TFG: variants seen among roughly 807,000 people sequenced by gnomAD.
TFG encodes the protein protein TFG.
TFG carries 22 observed loss-of-function variants against 51.4 expected under a neutral mutation model. The ratio of observed to expected loss-of-function variants is 0.43; its 90% CI spans 0.31 to 0.61. The LOEUF is 0.61. Ranked by LOEUF, TFG falls within the 20% of genes least tolerant of loss-of-function variation. The probability of loss-of-function intolerance (pLI) is 0.12; values close to 1 mark genes in which losing one functional copy is unlikely to be tolerated. For missense variants in TFG, 419 were observed against 487.7 expected (o/e 0.86, Z 1.33); for synonymous variants, 187 against 165.6 (o/e 1.13, Z -0.99).
intron 4 of TFG, among the ~76,000 whole-genome samples, chr3:100,729,082 T>C (rs540907540): frequency 6.6e-6 from 1 of 152,334 alleles, no homozygotes; most frequent in East Asian, 1.9e-4. Flanking sequence ...ATAGACCTAC[T>C]GGAGCGTAGC....
Position 100,736,506 on chromosome 3 carries a change from CTT to C in TFG, c.581-69_581-68del, listed in dbSNP as rs980276022. ...GTACTTTTAGTATCTTTTAACCAAACTTATTCCTTGAGCTTGCTGGGGGAAGG... is the reference window on the plus strand; with the variant it reads ...GTACTTTTAGTATCTTTTAACCAAACATTCCTTGAGCTTGCTGGGGGAAGG... On this transcript the variant is annotated intron_variant, in intron 5 of 7. Transcript: ENST00000240851. The C allele has an allele frequency of 9.0e-6, 14 of 1,557,316 alleles. No individual in the cohort carries two copies. In the African/African-American group the frequency reaches 1.8e-4, roughly 20 times the overall value.
At position 100,748,266 on chromosome 3, in the gene TFG, C is replaced by T; in HGVS notation, c.938C>T (p.Ala313Val). ...AFSGQPQQLP[A>V]QPPQQYQASN... ...TCTGGTCAGCCTCAACAACTGCCTG[C>T]TCAGCCGCCACAGCAGTACCAGGCG... The change falls in exon 8 of 8, where the codon GCT (alanine) becomes GTT (valine). Residue 313 changes from alanine (A) to valine (V), a missense_variant. By Grantham distance (64) the Ala-to-Val change is moderately conservative (BLOSUM62 0). Transcript: ENST00000240851. 1 of 1,614,116 alleles carries T rather than the reference C, an allele frequency of 6.2e-7. No individual in the cohort carries two copies. Among genetic ancestry groups the T allele is most frequent in the Non-Finnish European group, 8.5e-7 (1 of 1,180,008 alleles).
At chr3:100,711,842 A>G (rs1012578855) in intron 1 of TFG, among the ~76,000 whole-genome samples, 1 of 152,232 alleles carries the variant, frequency 6.6e-6, no homozygotes, top group Non-Finnish European at 1.5e-5. Flanking sequence ...TGAAGTAATT[A>G]TACTTTAGAG....
chr3:100,725,900 C>G (rs1317024355), intron 3 of TFG, among the ~76,000 whole-genome samples: 1 of 152,156 alleles, frequency 6.6e-6, no homozygotes, highest in Admixed American at 6.5e-5. Flanking sequence ...TATATTCACA[C>G]TAATGAAGAT....
intron 6 of TFG, among the ~76,000 whole-genome samples, chr3:100,739,499 C>A (rs771983068): frequency 1.3e-5 from 2 of 151,714 alleles, no homozygotes; most frequent in East Asian, 3.9e-4. Flanking sequence ...AGGAGAAGAA[C>A]GCTAAAAATC....
chr3:100,713,368 A>C (rs2095036190), intron 1 of TFG, among the ~76,000 whole-genome samples: 1 of 152,244 alleles, frequency 6.6e-6, no homozygotes, highest in African/African-American at 2.4e-5. Context: ...GTGGAAGATC[A>C]GGAATTTATT....
At chr3:100,735,189 A>G (rs760232443) in intron 5 of TFG, among the ~76,000 whole-genome samples, 53 of 152,176 alleles carry the variant, frequency 3.5e-4, no homozygotes, top group Non-Finnish European at 5.9e-4. Context: ...TATTTTGGCA[A>G]TCATCAGTCT....
intron 3 of TFG, among the ~76,000 whole-genome samples, chr3:100,726,738 A>G (rs559073923): frequency 6.6e-6 from 1 of 152,296 alleles, no homozygotes; most frequent in Admixed American, 6.5e-5. Context: ...TACCACGGAG[A>G]ACAATAGGAT....
chr3:100,745,920 C>A (rs72928680), intron 7 of TFG, among the ~76,000 whole-genome samples: 4,502 of 152,268 alleles, frequency 0.03, 182 homozygotes, highest in African/African-American at 0.091. Context: ...AAAGCCTAAA[C>A]TATTTACTAT....
At chr3:100,732,353 AT>A (rs1434934154) in intron 4 of TFG, among the ~76,000 whole-genome samples, 154 bp from the exon 5 acceptor site, 18 of 152,356 alleles carry the variant, frequency 1.2e-4, no homozygotes, top group Admixed American at 5.9e-4. Flanking sequence ...TATAAAAAAA[AT>A]AAAGGAATTA....
At chr3:100,743,145 CA>C (rs1285713915) in intron 6 of TFG, 3 of 152,152 alleles carry the variant, frequency 2.0e-5, no homozygotes, top group African/African-American at 7.2e-5. Flanking sequence ...CTTAGCTCTT[CA>C]TGGTTCTGTT....
chr3:100,743,854 T>G (rs2095128091), intron 6 of TFG: 1 of 152,138 alleles, frequency 6.6e-6, no homozygotes, highest in African/African-American at 2.4e-5. Context: ...TCATAGTCTT[T>G]TGATTAATAG....
At chr3:100,738,346 C>T (rs922061807) in intron 6 of TFG, among the ~76,000 whole-genome samples, 2 of 152,070 alleles carry the variant, frequency 1.3e-5, no homozygotes, top group Non-Finnish European at 2.9e-5. Context: ...CTACATCAAG[C>T]GAACTAAAGA....
intron 7 of TFG, among the ~76,000 whole-genome samples, chr3:100,747,052 C>A (rs1248805059): frequency 2.0e-5 from 3 of 152,160 alleles, no homozygotes; most frequent in Non-Finnish European, 4.4e-5. Flanking sequence ...AGGGTCTTCA[C>A]TCTGAGTAAA....
chr3:100,722,540 G>C (rs912354485), intron 3 of TFG, among the ~76,000 whole-genome samples: 2 of 152,164 alleles, frequency 1.3e-5, no homozygotes, highest in Admixed American at 6.5e-5. Context: ...GGGGAGCCTT[G>C]AGCAGGGATA....
chr3:100,728,925 C>G (rs2095083623), intron 4 of TFG, 67 bp downstream of exon 4: 7 of 1,368,962 alleles, frequency 5.1e-6, no homozygotes, highest in Non-Finnish European at 6.8e-6. Context: ...TTAAAAAACT[C>G]TTTTTAAGTA....
chr3:100,739,673 G>C (rs903396952), intron 6 of TFG, among the ~76,000 whole-genome samples: 1 of 151,990 alleles, frequency 6.6e-6, no homozygotes, highest in African/African-American at 2.4e-5. Context: ...TAGTCATGTG[G>C]CTTCAACACT....
At position 100,742,423 on chromosome 3, in the gene TFG, CAAAT is replaced by C. The variant is rs1416933153; in HGVS notation, c.722-2407_722-2404del. On this transcript the variant is annotated intron_variant, in intron 6 of 7. Coordinates refer to ENST00000240851, the MANE Select transcript of TFG (RefSeq NM_006070.6). Reference sequence around the variant, plus strand: ...TACATTTAAGAAAGATTAATAAAAACAAATAAGATAATGATTTATGCAGTTATTC... The same window carrying C: ...TACATTTAAGAAAGATTAATAAAAACAAGATAATGATTTATGCAGTTATTC... The C allele has an allele frequency of 3.9e-5, 6 of 152,194 alleles. No individual in the cohort carries two copies. The South Asian group carries it at 1.0e-3, about 26-fold the overall frequency. 9.4% of individuals were successfully genotyped at this position (152,194 alleles called of 1,614,324 possible). A position where few individuals can be genotyped will look rare whatever the true frequency, so the allele number is the denominator to read the frequency against.
intron 2 of TFG, among the ~76,000 whole-genome samples, chr3:100,715,968 A>C (rs569609872): frequency 6.6e-6 from 1 of 152,126 alleles, no homozygotes; most frequent in East Asian, 1.9e-4. Context: ...ATAATTGTAC[A>C]TATTTATGGG....
Sources: gnomAD v4.1 joint callset for allele counts (sites outside exome capture counted in the v4.1 genomes callset) on GRCh38, gnomAD v4.1.1 for gene constraint, MANE v1.5 for transcripts, NCBI Gene and HGNC (gene_info 2026-07-23, HGNC 2026-07-21) for gene names.